TTBK2: variants seen among roughly 807,000 people sequenced by gnomAD.
The protein encoded by TTBK2 is tau tubulin kinase 2.
TTBK2 carries 28 observed loss-of-function variants against 110.8 expected under a neutral mutation model. The ratio of observed to expected loss-of-function variants is 0.25; its 90% CI spans 0.19 to 0.35. TTBK2 has a LOEUF of 0.35. Ranked by LOEUF, TTBK2 falls within the 10% of genes least tolerant of loss-of-function variation. The pLI is 1.00. For missense variants in TTBK2, 1,369 were observed against 1,500.3 expected, an observed-to-expected ratio of 0.91 and a Z score of 1.45; for synonymous variants, 532 against 527.3, an observed-to-expected ratio of 1.01 and a Z score of -0.12.
chr15:42,873,813 G>T (rs900108178), intron 2 of TTBK2, among the ~76,000 whole-genome samples: 2 of 152,060 alleles, frequency 1.3e-5, no homozygotes, highest in Non-Finnish European at 2.9e-5. Flanking sequence ...AAACTAGGTT[G>T]TCTCCTTATC....
intron 9 of TTBK2, among the ~76,000 whole-genome samples, chr15:42,807,365 T>A (rs1015653779): frequency 2.6e-5 from 4 of 152,108 alleles, no homozygotes; most frequent in African/African-American, 7.2e-5. Context: ...ATTTGAACAC[T>A]CTAATAAAGA....
In TTBK2 at chr15:42,919,846, T is replaced by G. The variant is rs757039001; in HGVS notation, c.-68+592A>C. ...CCAATGGATTATTTACTTCTCCGAT[T>G]TGACAGAACATATACGTGAGTCTTT... On this transcript the variant is annotated intron_variant, in intron 1 of 14. Coordinates refer to ENST00000267890, the MANE Select transcript of TTBK2 (RefSeq NM_173500.4). 3.0e-5 allele frequency: 30 copies of G among 985,020 alleles called. No individual in the cohort carries two copies. In the South Asian group the frequency reaches 1.3e-3, roughly 42 times the overall value. The allele number at this position is 985,020 out of a possible 1,614,324, so 61.0% of individuals were successfully genotyped here.
At chr15:42,763,188 ATATATTTTTTTT>A (rs1889174926) in intron 13 of TTBK2, among the ~76,000 whole-genome samples, 2 of 24,538 alleles carry the variant, frequency 8.2e-5, no homozygotes, top group Admixed American at 7.7e-4. Flanking sequence ...ATATATATAT[ATATATTTTTTTT>A]TTTTTTTTTT....
chr15:42,882,252 A>G (rs1265859292), intron 1 of TTBK2, among the ~76,000 whole-genome samples: 1 of 151,998 alleles, frequency 6.6e-6, no homozygotes, highest in African/African-American at 2.4e-5. Flanking sequence ...ACTCTTAAAC[A>G]TATCATAACC....
chr15:42,794,658 G>A lies in TTBK2; in HGVS notation c.966C>T (p.Thr322=), dbSNP rs1890852640. The change falls in exon 10 of 15, where the codon ACC becomes ACT. Residue 322 remains threonine (T), a synonymous_variant. Transcript: ENST00000267890. ...TTAGGACATACCCAATTGCAGCAGG[G>A]GTCAAGCGAGTGTGCAACTGAGGGG... ...STTPQLHTRL[T]PAAIGIANAT... The A allele has an allele frequency of 6.2e-7, 1 of 1,613,948 alleles. No individual in the cohort carries two copies.
chr15:42,904,852 A>G (rs572784102), intron 1 of TTBK2, among the ~76,000 whole-genome samples: 6 of 152,158 alleles, frequency 3.9e-5, no homozygotes, highest in African/African-American at 1.2e-4. Context: ...AGGGCTCAAA[A>G]TGAGACATCA....
intron 9 of TTBK2, among the ~76,000 whole-genome samples, chr15:42,799,786 C>T (rs1891101991): frequency 1.3e-5 from 2 of 152,104 alleles, no homozygotes; most frequent in Non-Finnish European, 2.9e-5. Context: ...GTCAACCCCT[C>T]TTCTACTTGC....
intron 11 of TTBK2, among the ~76,000 whole-genome samples, chr15:42,782,192 T>G (rs1274781760): frequency 6.6e-6 from 1 of 152,084 alleles, no homozygotes. Context: ...CTGCCTCAGC[T>G]TCCCAAGTAG....
chr15:42,771,465 T>C (rs1889674252), intron 13 of TTBK2, among the ~76,000 whole-genome samples: 1 of 152,188 alleles, frequency 6.6e-6, no homozygotes, highest in African/African-American at 2.4e-5. Context: ...TAACTTTTCA[T>C]TGCCAACCTG....
At chr15:42,754,527 T>G (rs1420281833) in intron 13 of TTBK2, among the ~76,000 whole-genome samples, 1 of 151,422 alleles carries the variant, frequency 6.6e-6, no homozygotes, top group Non-Finnish European at 1.5e-5. Context: ...CTCCCAAGTA[T>G]CTGGGATTAC....
intron 3 of TTBK2, among the ~76,000 whole-genome samples, chr15:42,859,660 A>T (rs1446280373): frequency 6.6e-6 from 1 of 152,210 alleles, no homozygotes; most frequent in East Asian, 1.9e-4. Context: ...TATGCAGTAC[A>T]TTATGTCTAG....
chr15:42,875,193 T>C (rs1894769794), intron 2 of TTBK2, among the ~76,000 whole-genome samples: 1 of 152,156 alleles, frequency 6.6e-6, no homozygotes, highest in African/African-American at 2.4e-5. Flanking sequence ...TGCTTCTTAG[T>C]CTATTTCTAT....
At chr15:42,872,409 A>C (rs1894650435) in intron 3 of TTBK2, among the ~76,000 whole-genome samples, 1 of 152,182 alleles carries the variant, frequency 6.6e-6, no homozygotes, top group South Asian at 2.1e-4. Context: ...CCCAAAGCCC[A>C]ATTATTCTAA....
At chr15:42,834,006 G>A (rs1023259883) in intron 4 of TTBK2, among the ~76,000 whole-genome samples, 1 of 151,502 alleles carries the variant, frequency 6.6e-6, no homozygotes, top group Non-Finnish European at 1.5e-5. Context: ...GAGAGACTCT[G>A]TCTCAAAAAA....
chr15:42,870,464 G>A (rs989681655), intron 3 of TTBK2, among the ~76,000 whole-genome samples: 1 of 151,804 alleles, frequency 6.6e-6, no homozygotes, highest in Non-Finnish European at 1.5e-5. Context: ...GAGGGAATGT[G>A]AGAACAGACA....
At position 42,899,846 on chromosome 15, in the gene TTBK2, G is replaced by A. The variant is rs982577255; in HGVS notation, c.-68+20592C>T. Reference sequence around the variant, plus strand: ...GAATCCAGGAGGCGGAGGTTGCAGTGAGCCAAGATCACGCCACTGCACTCC... The same window carrying A: ...GAATCCAGGAGGCGGAGGTTGCAGTAAGCCAAGATCACGCCACTGCACTCC... On this transcript the variant is annotated intron_variant, in intron 1 of 14. Transcript: ENST00000267890. Among the ~76,000 whole-genome samples, 6 of 151,328 alleles carry A rather than the reference G, an allele frequency of 4.0e-5. No individual in the cohort carries two copies. In the East Asian group the frequency reaches 1.2e-3, roughly 30 times the overall value.
chr15:42,801,556 A>G (rs1891204256), intron 9 of TTBK2: 13 of 766,808 alleles, frequency 1.7e-5, no homozygotes, highest in South Asian at 1.6e-4. Context: ...GCAGCTCCTT[A>G]TACTTGATCT....
At chr15:42,762,927 G>C (rs966354280) in intron 13 of TTBK2, among the ~76,000 whole-genome samples, 1 of 150,244 alleles carries the variant, frequency 6.7e-6, no homozygotes, top group Non-Finnish European at 1.5e-5. Flanking sequence ...TTGATTTTAC[G>C]TAAGTAAAAA....
intron 13 of TTBK2, among the ~76,000 whole-genome samples, chr15:42,760,428 AT>A (rs2062010576): frequency 6.6e-6 from 1 of 151,938 alleles, no homozygotes; most frequent in Admixed American, 6.6e-5. Context: ...AATGAATGAA[AT>A]AAAAAATACA....
Sources: gnomAD v4.1 joint callset for allele counts (sites outside exome capture counted in the v4.1 genomes callset) on GRCh38, gnomAD v4.1.1 for gene constraint, MANE v1.5 for transcripts, NCBI Gene and HGNC (gene_info 2026-07-23, HGNC 2026-07-21) for gene names.